The following GUCY1B1 variants were observed in gnomAD, a reference collection of about 807,000 sequenced individuals.
The protein encoded by GUCY1B1 is guanylate cyclase 1 soluble subunit beta 1.
GUCY1B1 carries 43 observed loss-of-function variants against 71.0 expected under a neutral mutation model. The ratio of observed to expected loss-of-function variants is 0.61; its 90% CI spans 0.47 to 0.78. GUCY1B1 has a LOEUF of 0.78. Among genes scored for constraint, GUCY1B1 ranks in the 30% least tolerant of loss-of-function variants. GUCY1B1 has a pLI of 0.00. For missense variants in GUCY1B1, 535 were observed against 754.1 expected, an observed-to-expected ratio of 0.71 and a Z score of 3.40; for synonymous variants, 266 against 259.7, an observed-to-expected ratio of 1.02 and a Z score of -0.23.
At chr4:155,772,226 A>G (rs1236493584) in intron 2 of GUCY1B1, among the ~76,000 whole-genome samples, 1 of 152,152 alleles carries the variant, frequency 6.6e-6, no homozygotes, top group Non-Finnish European at 1.5e-5. Context: ...AAGGGAGAAG[A>G]ATTTAATATT....
rs2111192455 is a variant in GUCY1B1 at position 155,806,746 on chromosome 4, G to T, written c.*337G>T. The T allele has an allele frequency of 3.7e-6, 1 of 267,412 alleles. No homozygotes were observed. The highest frequency in any genetic ancestry group is 7.1e-5 in the East Asian group (1 of 14,070). 16.6% of individuals were successfully genotyped at this position (267,412 alleles called of 1,614,324 possible). On this transcript the variant is annotated 3_prime_UTR_variant, in exon 14 of 14. Coordinates refer to ENST00000264424, the MANE Select transcript of GUCY1B1 (RefSeq NM_000857.5). ...AAATATTTGTTGAATTTAGTTAAAT[G>T]AAACTGAACAGTGTTTGGCCATGTG...
At chr4:155,800,111 T>C in intron 9 of GUCY1B1, 37 bp downstream of exon 9, 1 of 1,384,806 alleles carries the variant, frequency 7.2e-7, no homozygotes, top group Non-Finnish European at 1.0e-6. Flanking sequence ...CTGTTATTCA[T>C]AACATAATGT....
intron 1 of GUCY1B1, chr4:155,759,357 C>A (rs1736789547): frequency 3.6e-6 from 2 of 563,376 alleles, no homozygotes; most frequent in South Asian, 2.3e-5. Flanking sequence ...GCTTCCCAGG[C>A]GGGTTTGCCG....
At position 155,764,462 on chromosome 4, in the gene GUCY1B1, C is replaced by A. The variant is rs556460408; in HGVS notation, c.77+4602C>A. 2.6e-5 allele frequency among the ~76,000 whole-genome samples: 4 copies of A among 152,278 alleles called. No homozygotes were observed. The South Asian group carries it at 8.3e-4, about 32-fold the overall frequency. The stretch of plus-strand genomic sequence containing the variant: ...AATTACATATAGGAAACTGAAAAGT[C>A]AGAACTTCAGCCCTTGTTCTTCTGT... On this transcript the variant is annotated intron_variant, in intron 2 of 13. Coordinates refer to ENST00000264424, the MANE Select transcript of GUCY1B1 (RefSeq NM_000857.5).
At chr4:155,799,518 A>AT (rs893915254) in intron 8 of GUCY1B1, among the ~76,000 whole-genome samples, 2 of 152,154 alleles carry the variant, frequency 1.3e-5, no homozygotes, top group African/African-American at 2.4e-5. Context: ...ATAAAGATAG[A>AT]TTTTTTTCCT....
chr4:155,793,315 GA>G (rs1294754559), intron 5 of GUCY1B1, among the ~76,000 whole-genome samples: 1 of 152,132 alleles, frequency 6.6e-6, no homozygotes, highest in Non-Finnish European at 1.5e-5. Flanking sequence ...GACCTCAGGT[GA>G]CCTGTCCGCC....
At chr4:155,787,085 A>AT (rs1738849438) in intron 4 of GUCY1B1, among the ~76,000 whole-genome samples, 1 of 152,222 alleles carries the variant, frequency 6.6e-6, no homozygotes, top group Admixed American at 6.5e-5. Context: ...GTTTCACAAC[A>AT]TAAGTAGAAG....
intron 13 of GUCY1B1, among the ~76,000 whole-genome samples, chr4:155,805,620 C>A (rs2111187320): frequency 6.6e-6 from 1 of 152,232 alleles, no homozygotes; most frequent in East Asian, 1.9e-4. Context: ...GGCTGTGGTT[C>A]ATGGGAGGTT....
At chr4:155,785,902 G>A (rs1162405266) in intron 4 of GUCY1B1, among the ~76,000 whole-genome samples, 3 of 152,158 alleles carry the variant, frequency 2.0e-5, no homozygotes, top group Non-Finnish European at 2.9e-5. Flanking sequence ...CAATAACACA[G>A]TAAATCTCTG....
chr4:155,785,295 A>G (rs1738688722), intron 4 of GUCY1B1: 2 of 1,474,120 alleles, frequency 1.4e-6, no homozygotes, highest in Non-Finnish European at 9.2e-7. Flanking sequence ...TCAGATTTAC[A>G]TCATTGTTTC....
chr4:155,788,756 G>T (rs1164101301), intron 4 of GUCY1B1, among the ~76,000 whole-genome samples: 1 of 152,144 alleles, frequency 6.6e-6, no homozygotes, highest in East Asian at 1.9e-4. Flanking sequence ...CCTATGAAAT[G>T]ACAGTCATTA....
chr4:155,797,254 G>A (rs2111147937), intron 8 of GUCY1B1, among the ~76,000 whole-genome samples: 1 of 152,246 alleles, frequency 6.6e-6, no homozygotes, highest in South Asian at 2.1e-4. Flanking sequence ...GCATTATGTA[G>A]TAACACAGTC....
intron 4 of GUCY1B1, among the ~76,000 whole-genome samples, chr4:155,784,787 C>T (rs1400870039): frequency 2.0e-5 from 3 of 152,122 alleles, no homozygotes; most frequent in African/African-American, 2.4e-5. Context: ...AATTAGATGT[C>T]CTTGAAACAG....
At chr4:155,784,907 A>T (rs1321165463) in intron 4 of GUCY1B1, among the ~76,000 whole-genome samples, 1 of 152,168 alleles carries the variant, frequency 6.6e-6, no homozygotes, top group Admixed American at 6.5e-5. Flanking sequence ...GAAACATCCC[A>T]AGATCTTTAA....
At chr4:155,778,562 T>C (rs1014958455) in intron 4 of GUCY1B1, among the ~76,000 whole-genome samples, 4 of 152,216 alleles carry the variant, frequency 2.6e-5, no homozygotes, top group African/African-American at 9.6e-5. Context: ...ATAAGAACTT[T>C]AGTGTTTAAT....
At chr4:155,762,303 T>A (rs1737048641) in intron 2 of GUCY1B1, among the ~76,000 whole-genome samples, 1 of 151,934 alleles carries the variant, frequency 6.6e-6, no homozygotes, top group Non-Finnish European at 1.5e-5. Flanking sequence ...GTTTTAACTT[T>A]TATAAGAAAT....
At chr4:155,784,192 T>C (rs115431699) in intron 4 of GUCY1B1, among the ~76,000 whole-genome samples, 1,835 of 152,298 alleles carry the variant, frequency 0.012, 34 homozygotes, top group African/African-American at 0.041. Context: ...TTAGTGACTC[T>C]GGTACAGTTT....
chr4:155,759,908 G>C (rs533392888), intron 2 of GUCY1B1, 48 bp downstream of exon 2: 3 of 1,406,264 alleles, frequency 2.1e-6, no homozygotes, highest in Non-Finnish European at 3.0e-6. Context: ...CGCCCAGTGT[G>C]GGAGGCCCCC....
At chr4:155,769,092 C>T (rs1029769048) in intron 2 of GUCY1B1, among the ~76,000 whole-genome samples, 1 of 151,992 alleles carries the variant, frequency 6.6e-6, no homozygotes. Context: ...TATAACTTAC[C>T]AGTTAGAGGA....
Sources: allele counts gnomAD v4.1 joint callset (sites outside exome capture counted in the v4.1 genomes callset), GRCh38; gene constraint gnomAD v4.1.1; transcripts MANE v1.5; gene names NCBI Gene and HGNC (gene_info 2026-07-23, HGNC 2026-07-21).